The following KLHL26 variants were observed in gnomAD, a reference collection of about 807,000 sequenced individuals.
KLHL26 encodes the protein kelch like family member 26.
A neutral mutation model predicts 7.1 loss-of-function variants in KLHL26; 4 were observed. The ratio of observed to expected loss-of-function variants is 0.56; its 90% confidence interval spans 0.28 to 1.28. The LOEUF (loss-of-function observed/expected upper bound fraction) is 1.28. KLHL26 is among the 50% of genes most tolerant of loss of function. The pLI is 0.11. For missense variants in KLHL26, 896 were observed against 924.6 expected (o/e 0.97, Z 0.40); for synonymous variants, 465 against 414.1 (o/e 1.12, Z -1.49).
chr19:18,641,535 TCTCAAA>T (rs1976711881), intron 1 of KLHL26, among the ~76,000 whole-genome samples: 1 of 150,848 alleles, frequency 6.6e-6, no homozygotes, highest in African/African-American at 2.4e-5. Flanking sequence ...GCTAGACTGG[TCTCAAA>T]CTCCTGACCT....
chr19:18,663,505 G>C (rs2052412636), intron 1 of KLHL26, among the ~76,000 whole-genome samples: 1 of 152,162 alleles, frequency 6.6e-6, no homozygotes, highest in Non-Finnish European at 1.5e-5. Flanking sequence ...ATCAGTGCCC[G>C]CATTCCTGGC....
intron 1 of KLHL26, among the ~76,000 whole-genome samples, chr19:18,654,043 C>T (rs999383326): frequency 7.3e-6 from 1 of 136,230 alleles, no homozygotes; most frequent in Admixed American, 7.4e-5. Context: ...ACCCACCTAC[C>T]CACCTACCCA....
rs973212669 is a variant in KLHL26 at position 18,649,259 on chromosome 19, G to T, written c.83+12122G>T. On this transcript the variant is annotated intron_variant, in intron 1 of 2. Coordinates refer to ENST00000300976, the MANE Select transcript of KLHL26 (RefSeq NM_018316.3). This position sits in a 1 kb window ranked among gnomAD's most constrained non-coding sequence, Gnocchi z 4.0. The stretch of plus-strand genomic sequence containing the variant: ...TTTATCAGATCTTTTTACAGTGGTG[G>T]TCCTGGCGCTGGCACAGCTACTGGC... 2.6e-5 allele frequency among the ~76,000 whole-genome samples: 4 copies of T among 152,198 alleles called. No homozygotes were observed. Among genetic ancestry groups the T allele is most frequent in the African/African-American group, 9.7e-5 (4 of 41,442 alleles).
At position 18,656,680 on chromosome 19, in the gene KLHL26, A is replaced by G. The variant is rs1415546645; in HGVS notation, c.84-7581A>G. 1.5e-5 allele frequency among the ~76,000 whole-genome samples: 2 copies of G among 130,412 alleles called. No individual in the cohort carries two copies. The highest frequency in any genetic ancestry group is 3.1e-5 in the Non-Finnish European group (2 of 63,854). 85.6% of individuals were successfully genotyped at this position (130,412 alleles called of 152,430 possible). ...GGGCCAACAGGCGCAACTCACGGCG[A>G]GCCCTGTCTGCCTCAGTAGCGCGGG... On this transcript the variant is annotated intron_variant, in intron 1 of 2. Transcript: ENST00000300976. This position sits in a 1 kb window ranked among gnomAD's most constrained non-coding sequence, Gnocchi z 4.4.
intron 1 of KLHL26, among the ~76,000 whole-genome samples, chr19:18,637,471 A>C (rs1470593024): frequency 1.3e-5 from 2 of 151,428 alleles, no homozygotes; most frequent in Admixed American, 1.3e-4. Context: ...GGCAGCAGAG[A>C]GGGCCTGAGC....
chr19:18,667,845 G>A lies in KLHL26; in HGVS notation c.448G>A (p.Glu150Lys). The A allele has an allele frequency of 1.2e-6, 2 of 1,613,156 alleles. No individual in the cohort carries two copies. Among genetic ancestry groups the A allele is most frequent in the Non-Finnish European group, 1.7e-6 (2 of 1,179,990 alleles). ...AVFLQMLPVV[E>K]LCEEFLKAAM... The stretch of plus-strand genomic sequence containing the variant: ...GTTCTTGCAGATGCTGCCCGTGGTG[G>A]AGCTGTGCGAGGAGTTCCTGAAGGC... The change falls in exon 3 of 3, where the codon GAG (glutamate) becomes AAG (lysine). Residue 150 changes from glutamate (E) to lysine (K), a missense_variant. Physicochemically the swap from Glu to Lys is moderately conservative, Grantham distance 56. Coordinates refer to ENST00000300976, the MANE Select transcript of KLHL26 (RefSeq NM_018316.3).
Position 18,669,093 on chromosome 19 carries a change from G to A in KLHL26, c.1696G>A (p.Gly566Ser). ...LLERKIYIVG[G>S]YNWRLNNVTG... ...GGAGAGGAAGATCTACATCGTCGGG[G>A]GCTACAACTGGCGTCTCAACAACGT... The change falls in exon 3 of 3, where the codon GGC becomes AGC. Residue 566 changes from glycine (G) to serine (S), a missense_variant. By Grantham distance (56) the Gly-to-Ser change is moderately conservative. Transcript: ENST00000300976. 1 of 1,612,894 alleles carries A rather than the reference G, an allele frequency of 6.2e-7. No homozygotes were observed. Among genetic ancestry groups the A allele is most frequent in the East Asian group, 2.2e-5 (1 of 44,872 alleles).
chr19:18,664,715 G>T (rs2052429460), intron 2 of KLHL26, among the ~76,000 whole-genome samples: 1 of 151,856 alleles, frequency 6.6e-6, no homozygotes, highest in Admixed American at 6.6e-5. Context: ...CCGAGTAGCT[G>T]GGAGTACAGG....
intron 1 of KLHL26, among the ~76,000 whole-genome samples, chr19:18,662,248 C>A (rs1600705084): frequency 1.3e-5 from 2 of 152,168 alleles, no homozygotes; most frequent in South Asian, 4.1e-4. Flanking sequence ...CCTTGAACTT[C>A]TAAGGAAAAA....
At position 18,650,676 on chromosome 19, in the gene KLHL26, C is replaced by T. The variant is rs1261952104; in HGVS notation, c.83+13539C>T. The stretch of plus-strand genomic sequence containing the variant: ...CGCCAAGGCTGATGGCACCGGGCCC[C>T]TTTGCCGTTCCAGCCTCAGTCACGC... On this transcript the variant is annotated intron_variant, in intron 1 of 2. Transcript: ENST00000300976. This position sits in a 1 kb window ranked among gnomAD's most constrained non-coding sequence, Gnocchi z 4.2. Among the ~76,000 whole-genome samples the T allele has an allele frequency of 1.3e-5, 2 of 152,220 alleles. No homozygotes were observed. The highest frequency in any genetic ancestry group is 2.9e-5 in the Non-Finnish European group (2 of 68,040).
chr19:18,661,890 C>T (rs754629709), intron 1 of KLHL26, among the ~76,000 whole-genome samples: 1 of 151,952 alleles, frequency 6.6e-6, no homozygotes, highest in Non-Finnish European at 1.5e-5. Flanking sequence ...AGCCCACATT[C>T]TTTGTGCATC....
At chr19:18,654,690 C>T (rs527259758) in intron 1 of KLHL26, among the ~76,000 whole-genome samples, 2 of 152,140 alleles carry the variant, frequency 1.3e-5, no homozygotes, top group African/African-American at 4.8e-5. Context: ...TCTACCCACC[C>T]ATCTATCCAC....
At chr19:18,662,700 G>C (rs1157784677) in intron 1 of KLHL26, among the ~76,000 whole-genome samples, 1 of 152,184 alleles carries the variant, frequency 6.6e-6, no homozygotes, top group African/African-American at 2.4e-5. Context: ...CTGGACCCCT[G>C]TGGGGGGCTG....
chr19:18,666,281 T>C (rs564612417), intron 2 of KLHL26, among the ~76,000 whole-genome samples: 32 of 151,792 alleles, frequency 2.1e-4, no homozygotes, highest in African/African-American at 7.7e-4. Flanking sequence ...TCCTTGCCCC[T>C]GTAGCCCTGA....
Position 18,664,568 on chromosome 19 carries a change from C to T in KLHL26, c.266+125C>T, listed in dbSNP as rs2052427195. On this transcript the variant is annotated intron_variant, in intron 2 of 2. Transcript: ENST00000300976. The stretch of plus-strand genomic sequence containing the variant: ...ACCCAGGGACAGCTTCGAGGGAGAA[C>T]GGCTGGTACCGGCTGCTCTTTTTTT... 4 of 640,742 alleles carry T rather than the reference C, an allele frequency of 6.2e-6. No individual in the cohort carries two copies. The East Asian group carries it at 9.1e-5, about 15-fold the overall frequency. The allele number at this position is 640,742 out of a possible 1,614,324, so 39.7% of individuals were successfully genotyped here.
In KLHL26 at chr19:18,668,376, A is replaced by T. The variant is rs1351472928; in HGVS notation, c.979A>T (p.Ser327Cys). 6.2e-7 allele frequency: 1 copy of T among 1,607,904 alleles called. No homozygotes were observed. Among genetic ancestry groups the T allele is most frequent in the South Asian group, 1.1e-5 (1 of 90,990 alleles). ...CTACACCGACAGCGACCGCTCGGTC[A>T]GCAGCAAGGTCTACCAGCTGCCTGA... ...TPYTDSDRSVSSKVYQLPEPG... is the reference protein window; with the variant it reads ...TPYTDSDRSVCSKVYQLPEPG... The change falls in exon 3 of 3, where the codon AGC (serine) becomes TGC (cysteine). Residue 327 changes from serine (S) to cysteine (C), a missense_variant. Coordinates refer to ENST00000300976, the MANE Select transcript of KLHL26 (RefSeq NM_018316.3).
In KLHL26 at chr19:18,664,322, C is replaced by A; in HGVS notation, c.145C>A (p.Leu49Ile). ...CTCGGCACCCAGCCACAGCACCAGC[C>A]TCCTGCAGGGCCTGGCCACCCTCCG... ...TFSAPSHSTS[L>I]LQGLATLRAQ... The change falls in exon 2 of 3, where the codon CTC becomes ATC. Residue 49 changes from leucine to isoleucine, a missense_variant. Leu to Ile is a conservative substitution (Grantham distance 5, BLOSUM62 2). Coordinates refer to ENST00000300976, the MANE Select transcript of KLHL26 (RefSeq NM_018316.3). The A allele has an allele frequency of 6.2e-7, 1 of 1,609,726 alleles. No homozygotes were observed.
intron 1 of KLHL26, among the ~76,000 whole-genome samples, chr19:18,653,391 C>T (rs1221952390): frequency 1.5e-5 from 2 of 137,398 alleles, no homozygotes; most frequent in East Asian, 4.6e-4. Context: ...CCCATCCGCC[C>T]ACCCACCCAC....
chr19:18,651,203 C>A (rs77076412), intron 1 of KLHL26, among the ~76,000 whole-genome samples: 1 of 152,160 alleles, frequency 6.6e-6, no homozygotes, highest in Non-Finnish European at 1.5e-5. Context: ...TGTCTGGGTG[C>A]TGCCCACCTG....
Sources: gnomAD v4.1 joint callset for allele counts (sites outside exome capture counted in the v4.1 genomes callset) on GRCh38, gnomAD v4.1.1 for gene constraint, Gnocchi (gnomAD v3.1) non-coding constraint, MANE v1.5 for transcripts, NCBI Gene and HGNC (gene_info 2026-07-23, HGNC 2026-07-21) for gene names.